The following KIAA1549L variants were observed in gnomAD, a reference collection of about 807,000 sequenced individuals.
The protein encoded by KIAA1549L is UPF0606 protein KIAA1549L.
Under a neutral mutation model 160.7 loss-of-function variants are expected in KIAA1549L, and 88 were observed. The ratio of observed to expected loss-of-function variants is 0.55; its 90% CI spans 0.46 to 0.65. The LOEUF (loss-of-function observed/expected upper bound fraction) is 0.65, where lower values mean the gene tolerates loss of function less well. KIAA1549L is among the 30% of genes least tolerant of loss of function. The pLI is 0.00. For synonymous variants in KIAA1549L, 950 were observed against 976.7 expected, an observed-to-expected ratio of 0.97 and a Z score of 0.51; for missense variants, 2,258 against 2,437.5, an observed-to-expected ratio of 0.93 and a Z score of 1.55.
At chr11:33,455,244 TGC>T in intron 1 of KIAA1549L, among the ~76,000 whole-genome samples, 1 of 152,212 alleles carries the variant, frequency 6.6e-6, no homozygotes, top group South Asian at 2.1e-4. Context: ...CAATAACAAG[TGC>T]TTTAGAACTG....
chr11:33,576,767 T>C (rs1855462834), intron 10 of KIAA1549L, among the ~76,000 whole-genome samples: 1 of 152,020 alleles, frequency 6.6e-6, no homozygotes, highest in Non-Finnish European at 1.5e-5. Context: ...TGAGCATTGG[T>C]TGTGGTGCCA....
intron 1 of KIAA1549L, among the ~76,000 whole-genome samples, chr11:33,397,731 C>T (rs1038730143): frequency 6.0e-5 from 9 of 150,518 alleles, no homozygotes; most frequent in Non-Finnish European, 1.0e-4. Flanking sequence ...CACACACACA[C>T]ACACACACAC....
At chr11:33,514,606 GGT>G (rs1381306632) in intron 1 of KIAA1549L, among the ~76,000 whole-genome samples, 1 of 152,136 alleles carries the variant, frequency 6.6e-6, no homozygotes, top group African/African-American at 2.4e-5. Flanking sequence ...AGCACTTCCT[GGT>G]GTCTTTATTT....
At chr11:33,664,024 C>G (rs1852355898) in intron 20 of KIAA1549L, among the ~76,000 whole-genome samples, 1 of 152,224 alleles carries the variant, frequency 6.6e-6, no homozygotes, top group Admixed American at 6.5e-5. Context: ...TGTACCTTCC[C>G]AGCTCATGTG....
At chr11:33,393,525 G>A (rs1396711668) in intron 1 of KIAA1549L, among the ~76,000 whole-genome samples, 1 of 152,176 alleles carries the variant, frequency 6.6e-6, no homozygotes, top group African/African-American at 2.4e-5. Context: ...TATAAGTGAG[G>A]ACACACACGG....
At chr11:33,560,800 C>T (rs528047723) in intron 7 of KIAA1549L, among the ~76,000 whole-genome samples, 15 of 152,190 alleles carry the variant, frequency 9.9e-5, no homozygotes, top group East Asian at 7.7e-4. Flanking sequence ...AGATAATACG[C>T]GTGAATGTAC....
At chr11:33,412,905 A>G (rs950703167) in intron 1 of KIAA1549L, among the ~76,000 whole-genome samples, 1 of 152,246 alleles carries the variant, frequency 6.6e-6, no homozygotes, top group African/African-American at 2.4e-5. Context: ...TGCCTGAGCT[A>G]GTAAGTGGCA....
intron 1 of KIAA1549L, among the ~76,000 whole-genome samples, chr11:33,419,565 G>C (rs538082036): frequency 1.6e-4 from 25 of 152,082 alleles, no homozygotes; most frequent in Admixed American, 5.9e-4. Context: ...TATAATATGG[G>C]TCGAGTACAG....
At chr11:33,492,503 G>GT (rs1852700048) in intron 1 of KIAA1549L, among the ~76,000 whole-genome samples, 1 of 152,144 alleles carries the variant, frequency 6.6e-6, no homozygotes. Context: ...ATTTAGAGAG[G>GT]TTTTATCTTT....
At chr11:33,639,463 A>G (rs1851529774) in intron 16 of KIAA1549L, among the ~76,000 whole-genome samples, 1 of 152,202 alleles carries the variant, frequency 6.6e-6, no homozygotes, top group Non-Finnish European at 1.5e-5. Context: ...AATTACGTGT[A>G]TATCCTCTCA....
intron 1 of KIAA1549L, among the ~76,000 whole-genome samples, chr11:33,403,762 T>C (rs1850588832): frequency 6.6e-6 from 1 of 152,194 alleles, no homozygotes; most frequent in African/African-American, 2.4e-5. Context: ...TCCAAGTTGC[T>C]CATGACCCAC....
intron 11 of KIAA1549L, among the ~76,000 whole-genome samples, chr11:33,590,266 G>A (rs144183804): frequency 6.6e-6 from 1 of 152,306 alleles, no homozygotes; most frequent in Non-Finnish European, 1.5e-5. Flanking sequence ...CTGATGAGCA[G>A]AGAGTTGCAG....
intron 1 of KIAA1549L, among the ~76,000 whole-genome samples, chr11:33,466,840 CCAT>C (rs1311718800): frequency 6.6e-6 from 1 of 151,970 alleles, no homozygotes; most frequent in Admixed American, 6.6e-5. Flanking sequence ...AAGCTGGAAA[CCAT>C]CATTCTCAGC....
chr11:33,473,414 G>A (rs551340434), intron 1 of KIAA1549L, among the ~76,000 whole-genome samples: 1 of 152,194 alleles, frequency 6.6e-6, no homozygotes, highest in Non-Finnish European at 1.5e-5. Context: ...TGATGTCCAA[G>A]ACAAGTCTTA....
At chr11:33,571,042 T>C (rs1340735153) in intron 9 of KIAA1549L, among the ~76,000 whole-genome samples, 1 of 152,208 alleles carries the variant, frequency 6.6e-6, no homozygotes, top group Non-Finnish European at 1.5e-5. Flanking sequence ...CCCAGCACTT[T>C]GGGAGGCCAA....
At chr11:33,634,027 A>C (rs1851373812) in intron 16 of KIAA1549L, among the ~76,000 whole-genome samples, 1 of 152,118 alleles carries the variant, frequency 6.6e-6, no homozygotes, top group Middle Eastern at 3.2e-3. Context: ...TCTAGCAGTT[A>C]CTACTCTGTT....
In KIAA1549L at chr11:33,621,260, A is replaced by G. The variant is rs723026; in HGVS notation, c.5409+2598A>G. ...TGTTGCACAATTTTCCCATAGAACA[A>G]GAGTTATTAGGGCCTATAGAAGGGA... On this transcript the variant is annotated intron_variant, in intron 16 of 20. Coordinates refer to ENST00000658780, the MANE Select transcript of KIAA1549L (RefSeq NM_012194.3). 7.5e-3 allele frequency among the ~76,000 whole-genome samples: 1,136 copies of G among 152,286 alleles called. 10 individuals carry two copies. The highest frequency in any genetic ancestry group is 0.011 in the Non-Finnish European group (722 of 68,012).
intron 1 of KIAA1549L, among the ~76,000 whole-genome samples, chr11:33,447,577 A>G (rs1351773580): frequency 7.1e-6 from 1 of 141,224 alleles, no homozygotes; most frequent in Admixed American, 7.6e-5. Flanking sequence ...CATCCATCCC[A>G]CCTATCTAGT....
intron 5 of KIAA1549L, among the ~76,000 whole-genome samples, chr11:33,551,580 A>C (rs1372032313): frequency 1.7e-5 from 1 of 59,156 alleles, no homozygotes; most frequent in Non-Finnish European, 3.1e-5. Context: ...TTGAACATGC[A>C]AAAAAAAAAA....
Sources: gnomAD v4.1 joint callset for allele counts (sites outside exome capture counted in the v4.1 genomes callset) on GRCh38, gnomAD v4.1.1 for gene constraint, MANE v1.5 for transcripts, NCBI Gene and HGNC (gene_info 2026-07-23, HGNC 2026-07-21) for gene names.